MICU3: variants seen among roughly 807,000 people sequenced by gnomAD.
The protein encoded by MICU3 is calcium uptake protein 3, mitochondrial.
Under a neutral mutation model 66.5 loss-of-function variants are expected in MICU3, and 62 were observed. That is an observed-to-expected ratio of 0.93 (90% CI 0.76 to 1.15). The LOEUF is 1.15. MICU3 is among the 50% of genes most tolerant of loss of function. MICU3 has a pLI of 0.00. For missense variants in MICU3, 779 were observed against 664.4 expected (o/e 1.17, Z -1.90); for synonymous variants, 308 against 240.7 (o/e 1.28, Z -2.59).
chr8:17,087,834 T>C (rs1799632433), intron 7 of MICU3, among the ~76,000 whole-genome samples: 1 of 152,026 alleles, frequency 6.6e-6, no homozygotes, highest in African/African-American at 2.4e-5. Context: ...CTTTTATCCA[T>C]TGTGACATAT....
intron 1 of MICU3, among the ~76,000 whole-genome samples, chr8:17,028,568 A>G (rs1811446754): frequency 6.6e-6 from 1 of 152,176 alleles, no homozygotes; most frequent in African/African-American, 2.4e-5. Context: ...TAGAAAACAG[A>G]GAGCTATGCT....
chr8:17,122,248 A>G lies in MICU3; in HGVS notation c.*1961A>G, dbSNP rs1288092033. 1 of 151,902 alleles carries G rather than the reference A, an allele frequency of 6.6e-6. No homozygotes were observed. The highest frequency in any genetic ancestry group is 1.5e-5 in the Non-Finnish European group (1 of 67,788). The allele number at this position is 151,902 out of a possible 1,614,324, so 9.4% of individuals were successfully genotyped here. On this transcript the variant is annotated 3_prime_UTR_variant, in exon 15 of 15. Transcript: ENST00000318063. Reference sequence around the variant, plus strand: ...TTCTGATAAAATAGAAAAGAAAGTAAATTACAGTGATTTCCATCATATTAT... The same window carrying G: ...TTCTGATAAAATAGAAAAGAAAGTAGATTACAGTGATTTCCATCATATTAT...
intron 5 of MICU3, among the ~76,000 whole-genome samples, chr8:17,083,432 G>A (rs1259518970): frequency 1.3e-5 from 2 of 152,040 alleles, no homozygotes; most frequent in Non-Finnish European, 2.9e-5. Flanking sequence ...TAGTCCCCAG[G>A]CAAGAAGGAG....
Position 17,116,438 on chromosome 8 carries a change from T to G in MICU3, c.1367-5T>G. On this transcript the variant is annotated splice_polypyrimidine_tract_variant and splice_region_variant and intron_variant, in intron 12 of 14. Coordinates refer to ENST00000318063, the MANE Select transcript of MICU3 (RefSeq NM_181723.3). ...CTATTCTTTTTCTATGTAACATTTATCTAGATGAATTTAAACGTGCCGTCT... is the reference window on the plus strand; with the variant it reads ...CTATTCTTTTTCTATGTAACATTTAGCTAGATGAATTTAAACGTGCCGTCT... 6.9e-7 allele frequency: 1 copy of G among 1,442,872 alleles called. No homozygotes were observed. The highest frequency in any genetic ancestry group is 2.7e-5 in the Admixed American group (1 of 36,882). 89.4% of individuals were successfully genotyped at this position (1,442,872 alleles called of 1,614,324 possible). A position where few individuals can be genotyped will look rare whatever the true frequency, so the allele number is the denominator to read the frequency against.
chr8:17,086,506 T>C (rs754597288), intron 6 of MICU3, among the ~76,000 whole-genome samples: 12 of 152,178 alleles, frequency 7.9e-5, no homozygotes, highest in Non-Finnish European at 1.5e-4. Context: ...TTGATTACAA[T>C]AGATATAGAT....
the MICU3 span, among the ~76,000 whole-genome samples, chr8:17,134,666 A>G: frequency 1.9e-4 from 29 of 152,152 alleles, no homozygotes; most frequent in South Asian, 8.3e-4. Context: ...GGATGGTCTC[A>G]ATCTCCTGAC....
chr8:17,133,803 A>G, the MICU3 span, among the ~76,000 whole-genome samples: 5 of 152,318 alleles, frequency 3.3e-5, no homozygotes, highest in Non-Finnish European at 5.9e-5. Flanking sequence ...TTAAATATTT[A>G]AAAAGATTTT....
chr8:17,039,007 A>C lies in MICU3; in HGVS notation c.381+11347A>C, dbSNP rs184216665. Among the ~76,000 whole-genome samples the C allele has an allele frequency of 1.7e-3, 262 of 152,082 alleles. No individual in the cohort carries two copies. In the Middle Eastern group the frequency reaches 0.041, roughly 24 times the overall value. On this transcript the variant is annotated intron_variant, in intron 1 of 14. Coordinates refer to ENST00000318063, the MANE Select transcript of MICU3 (RefSeq NM_181723.3). ...ATAAATAAAAATAAGAAATTGACAC[A>C]GCCACCTCAAATTTCAGCAACCACC... is the stretch of plus-strand genomic sequence containing the variant.
At chr8:17,085,601 C>T (rs1799387398) in intron 6 of MICU3, among the ~76,000 whole-genome samples, 1 of 152,106 alleles carries the variant, frequency 6.6e-6, no homozygotes, top group African/African-American at 2.4e-5. Flanking sequence ...AGGCAGTCCT[C>T]AGGTTATACA....
chr8:17,108,573 A>C (rs1057153698), intron 11 of MICU3, among the ~76,000 whole-genome samples: 5 of 152,086 alleles, frequency 3.3e-5, no homozygotes, highest in African/African-American at 1.2e-4. Context: ...TTCTACGTAC[A>C]ATCAGTCTAT....
chr8:17,034,948 C>T (rs893165651), intron 1 of MICU3, among the ~76,000 whole-genome samples: 6 of 152,172 alleles, frequency 3.9e-5, no homozygotes, highest in African/African-American at 1.4e-4. Context: ...CAAGTCATAC[C>T]TTGAAGTGTA....
rs1802997855 is a variant in MICU3, at chr8:17,119,373, T to C, written c.*598T>C. ...AATCTCCAAGCGAGGAGTTTGTTTT[T>C]TTCTTTTTTCTTTCAAAAGTCAACT... On this transcript the variant is annotated intron_variant, in intron 14 of 14. Transcript: ENST00000318063. 4.6e-5 allele frequency among the ~76,000 whole-genome samples: 7 copies of C among 152,264 alleles called. No individual in the cohort carries two copies. In the South Asian group the frequency reaches 1.5e-3, roughly 32 times the overall value.
chr8:17,110,162 G>A (rs979649334), intron 11 of MICU3, among the ~76,000 whole-genome samples: 1 of 152,220 alleles, frequency 6.6e-6, no homozygotes, highest in East Asian at 1.9e-4. Context: ...TTTTCTGAAC[G>A]TCTGTTTGTA....
At chr8:17,061,115 A>G (rs1320523169) in intron 1 of MICU3, among the ~76,000 whole-genome samples, 3 of 152,262 alleles carry the variant, frequency 2.0e-5, no homozygotes, top group South Asian at 2.1e-4. Flanking sequence ...GGGCATTACT[A>G]TAAAACTGTA....
chr8:17,123,249 A>G (rs1270384544), downstream of MICU3, among the ~76,000 whole-genome samples: 1 of 152,128 alleles, frequency 6.6e-6, no homozygotes, highest in Non-Finnish European at 1.5e-5. Context: ...TCTATATAGC[A>G]TAATCAGTAT....
intron 2 of MICU3, among the ~76,000 whole-genome samples, chr8:17,065,007 C>T (rs1212922192): frequency 6.6e-6 from 1 of 151,936 alleles, no homozygotes; most frequent in African/African-American, 2.4e-5. Flanking sequence ...GCACTAGGGA[C>T]CAGGTTTGAG....
chr8:17,111,024 A>G (rs1802158792), intron 11 of MICU3, among the ~76,000 whole-genome samples: 1 of 152,158 alleles, frequency 6.6e-6, no homozygotes, highest in Non-Finnish European at 1.5e-5. Flanking sequence ...GGCGATTTCT[A>G]TCTTTGGCTG....
At chr8:17,081,827 T>C (rs143892576) in intron 5 of MICU3, 87 bp downstream of exon 5, 11 of 643,612 alleles carry the variant, frequency 1.7e-5, no homozygotes, top group African/African-American at 3.7e-5. Context: ...CTCTTACTCT[T>C]GAAAATCAAT....
At position 17,027,616 on chromosome 8, in the gene MICU3, G is replaced by C; in HGVS notation, c.337G>C (p.Gly113Arg). 1 of 1,310,394 alleles carries C rather than the reference G, an allele frequency of 7.6e-7. No homozygotes were observed. Among genetic ancestry groups the C allele is most frequent in the Non-Finnish European group, 9.7e-7 (1 of 1,034,098 alleles). 81.2% of individuals were successfully genotyped at this position (1,310,394 alleles called of 1,614,324 possible). A position where few individuals can be genotyped will look rare whatever the true frequency, so the allele number is the denominator to read the frequency against. ...CACGGAGCCCGAGGACCCGCCCCGC[G>C]GCCGGGGGATGCTGCCCATCCCAGT... ...AATEPEDPPR[G>R]RGMLPIPVAA... Residue 113 changes from glycine to arginine, a missense_variant, in exon 1 of 15, where the codon GGC becomes CGC. Coordinates refer to ENST00000318063, the MANE Select transcript of MICU3 (RefSeq NM_181723.3).
Sources: allele counts gnomAD v4.1 joint callset (sites outside exome capture counted in the v4.1 genomes callset), GRCh38; gene constraint gnomAD v4.1.1; transcripts MANE v1.5; gene names NCBI Gene and HGNC (gene_info 2026-07-23, HGNC 2026-07-21).